ANKMY1: variants seen among roughly 807,000 people sequenced by gnomAD.
ANKMY1 encodes ankyrin repeat and MYND domain containing 1, also known as ankyrin repeat and MYND domain-containing protein 1.
ANKMY1 carries 98 observed loss-of-function variants against 102.0 expected under a neutral mutation model. The observed-to-expected ratio is 0.96, with a 90% CI of 0.82 to 1.14. The LOEUF (loss-of-function observed/expected upper bound fraction) is 1.14, where lower values mean the gene tolerates loss of function less well. Ranked by LOEUF, ANKMY1 falls within the 50% of genes most tolerant of loss-of-function variation. The pLI, the probability that ANKMY1 is intolerant of heterozygous loss-of-function variation, is 0.00. For missense variants in ANKMY1, 1,330 were observed against 1,347.6 expected, an observed-to-expected ratio of 0.99 and a Z score of 0.20; for synonymous variants, 582 against 559.9, an observed-to-expected ratio of 1.04 and a Z score of -0.56.
intron 15 of ANKMY1, among the ~76,000 whole-genome samples, chr2:240,486,222 T>C (rs2076044930): frequency 6.6e-6 from 1 of 152,172 alleles, no homozygotes; most frequent in Non-Finnish European, 1.5e-5. Flanking sequence ...AGAACTTTCC[T>C]CCTGCCCACT....
At chr2:240,487,559 T>C (rs1031294277) in intron 15 of ANKMY1, among the ~76,000 whole-genome samples, 1 of 152,042 alleles carries the variant, frequency 6.6e-6, no homozygotes, top group African/African-American at 2.4e-5. Context: ...CTGTTTTCCA[T>C]AGTGCCTGTA....
At chr2:240,493,428 T>C (rs1286555092) in intron 15 of ANKMY1, among the ~76,000 whole-genome samples, 2 of 152,232 alleles carry the variant, frequency 1.3e-5, no homozygotes, top group South Asian at 2.1e-4. Context: ...TGTGTCCTTA[T>C]GTTGATATCT....
chr2:240,550,246 G>A (rs925228317), intron 4 of ANKMY1, among the ~76,000 whole-genome samples: 11 of 151,374 alleles, frequency 7.3e-5, no homozygotes, highest in African/African-American at 9.7e-5. Flanking sequence ...CATCATTCTC[G>A]GTAAACTATC....
At chr2:240,519,227 G>T (rs2081704321) in intron 9 of ANKMY1, among the ~76,000 whole-genome samples, 1 of 152,246 alleles carries the variant, frequency 6.6e-6, no homozygotes, top group South Asian at 2.1e-4. Flanking sequence ...GACAGCAGTG[G>T]TTTCTTGAGT....
chr2:240,508,470 C>T lies in ANKMY1; in HGVS notation c.2395-779G>A, dbSNP rs74001672. ...TCACAAATTCTATGAATGCCTTCAG[C>T]TTTTGCAGACCTCTGCTGAAATGTC... On this transcript the variant is annotated intron_variant, in intron 12 of 17. Transcript: ENST00000401804. Among the ~76,000 whole-genome samples the T allele has an allele frequency of 5.0e-3, 759 of 152,370 alleles. 3 individuals carry two copies. The highest frequency in any genetic ancestry group is 0.018 in the African/African-American group (733 of 41,582).
At chr2:240,538,284 G>A (rs188790413) in intron 4 of ANKMY1, among the ~76,000 whole-genome samples, 2,310 of 152,226 alleles carry the variant, frequency 0.015, 48 homozygotes, top group African/African-American at 0.052. Flanking sequence ...TGTGGAGGGA[G>A]AGGCGCAGGC....
intron 4 of ANKMY1, among the ~76,000 whole-genome samples, chr2:240,542,306 A>G (rs899656683): frequency 2.0e-5 from 3 of 151,940 alleles, no homozygotes; most frequent in African/African-American, 7.3e-5. Flanking sequence ...AGAGTTCAAG[A>G]CTAGCCTGGC....
At chr2:240,523,685 G>A in intron 8 of ANKMY1, 200 bp downstream of exon 8, 1 of 895,572 alleles carries the variant, frequency 1.1e-6, no homozygotes, top group Non-Finnish European at 1.6e-6. Flanking sequence ...GGGTGGCACT[G>A]AAAACAGCCC....
chr2:240,545,048 T>C (rs2090021535), intron 4 of ANKMY1, among the ~76,000 whole-genome samples: 1 of 152,246 alleles, frequency 6.6e-6, no homozygotes. Flanking sequence ...GCTCCACCTC[T>C]GGGGGCAGGG....
intron 4 of ANKMY1, among the ~76,000 whole-genome samples, chr2:240,542,595 A>C (rs1182020686): frequency 1.3e-5 from 2 of 152,198 alleles, no homozygotes; most frequent in Middle Eastern, 3.4e-3. Context: ...AGGCTAATAG[A>C]GTTCAGACAT....
intron 9 of ANKMY1, among the ~76,000 whole-genome samples, chr2:240,518,115 C>T (rs1446819246): frequency 2.0e-5 from 3 of 152,114 alleles, no homozygotes; most frequent in East Asian, 1.9e-4. Flanking sequence ...GGTGTTGAAA[C>T]GGGCCCAATT....
intron 4 of ANKMY1, among the ~76,000 whole-genome samples, chr2:240,550,564 G>T (rs558416248): frequency 2.1e-4 from 32 of 152,110 alleles, no homozygotes; most frequent in Admixed American, 5.9e-4. Context: ...GTAAATTTTT[G>T]ATCTTAAATT....
chr2:240,538,362 C>G (rs1269304277), intron 4 of ANKMY1, among the ~76,000 whole-genome samples: 1 of 152,138 alleles, frequency 6.6e-6, no homozygotes, highest in Non-Finnish European at 1.5e-5. Flanking sequence ...GCTCGGGGGG[C>G]CCACACTCAG....
chr2:240,546,506 A>G (rs1464442392), intron 4 of ANKMY1, among the ~76,000 whole-genome samples: 1 of 152,210 alleles, frequency 6.6e-6, no homozygotes, highest in African/African-American at 2.4e-5. Context: ...ATTCACACAT[A>G]ACAATATTAA....
chr2:240,471,260 C>CTTT, the ANKMY1 span, among the ~76,000 whole-genome samples: 9 of 136,158 alleles, frequency 6.6e-5, no homozygotes, highest in African/African-American at 1.1e-4. Flanking sequence ...AACTCAAATT[C>CTTT]TTTTTTTTTT....
At chr2:240,534,131 T>C (rs558175874) in intron 4 of ANKMY1, among the ~76,000 whole-genome samples, 55 of 152,208 alleles carry the variant, frequency 3.6e-4, no homozygotes, top group Admixed American at 7.8e-4. Context: ...CACTTAAACC[T>C]AGTATATATA....
chr2:240,474,207 T>C, the ANKMY1 span, among the ~76,000 whole-genome samples: 2 of 150,550 alleles, frequency 1.3e-5, no homozygotes, highest in Admixed American at 6.6e-5. Context: ...GCCATTCTCC[T>C]GCCTCAGCCT....
chr2:240,503,978 G>A (rs2078650491), intron 13 of ANKMY1, among the ~76,000 whole-genome samples: 1 of 152,170 alleles, frequency 6.6e-6, no homozygotes. Flanking sequence ...AAGCCACAGC[G>A]AGGTCTGCAC....
At chr2:240,528,298 C>CT (rs1204777736) in intron 5 of ANKMY1, among the ~76,000 whole-genome samples, 1 of 135,930 alleles carries the variant, frequency 7.4e-6, no homozygotes, top group Non-Finnish European at 1.6e-5. Context: ...CCCCCACCCC[C>CT]CCCCCAAAAA....
Sources: gnomAD v4.1 joint callset for allele counts (sites outside exome capture counted in the v4.1 genomes callset) on GRCh38, gnomAD v4.1.1 for gene constraint, MANE v1.5 for transcripts, NCBI Gene and HGNC (gene_info 2026-07-23, HGNC 2026-07-21) for gene names.